Variants in CYP2C19 observed in about 807,000 individuals in gnomAD.
CYP2C19 encodes the protein cytochrome P450 family 2 subfamily C member 19, also known as cytochrome P450 2C19.
A neutral mutation model predicts 40.9 loss-of-function variants in CYP2C19; 59 were observed. The observed-to-expected ratio is 1.44, with a 90% CI of 1.17 to 1.79. The LOEUF (loss-of-function observed/expected upper bound fraction) is 1.79, where lower values mean the gene tolerates loss of function less well. CYP2C19 is among the 40% of genes most tolerant of loss of function. The pLI, the probability that CYP2C19 is intolerant of heterozygous loss-of-function variation, is 0.00. For synonymous variants in CYP2C19, 253 were observed against 208.7 expected (o/e 1.21, Z -1.83); for missense variants, 754 against 596.9 (o/e 1.26, Z -2.74).
At chr10:94,816,650 C>A (rs1030455118) in intron 5 of CYP2C19, among the ~76,000 whole-genome samples, 3 of 151,008 alleles carry the variant, frequency 2.0e-5, no homozygotes, top group Non-Finnish European at 2.9e-5. Context: ...CATATGTATA[C>A]ATGTGCCATC....
intron 6 of CYP2C19, among the ~76,000 whole-genome samples, chr10:94,831,287 T>C (rs1301019182): frequency 1.3e-5 from 2 of 152,298 alleles, no homozygotes; most frequent in South Asian, 2.1e-4. Flanking sequence ...TGTTGATGGA[T>C]ATTTAGGTTG....
At chr10:94,840,542 A>T (rs1034693315) in intron 6 of CYP2C19, among the ~76,000 whole-genome samples, 2 of 152,180 alleles carry the variant, frequency 1.3e-5, no homozygotes, top group African/African-American at 4.8e-5. Flanking sequence ...GGAGGCAGGG[A>T]TCAGAGGAAG....
intron 5 of CYP2C19, among the ~76,000 whole-genome samples, chr10:94,793,780 G>A (rs995524138): frequency 6.6e-6 from 1 of 152,150 alleles, no homozygotes; most frequent in African/African-American, 2.4e-5. Flanking sequence ...ACTAGGAGGT[G>A]TCTCCCAGTT....
At position 94,830,087 on chromosome 10, in the gene CYP2C19, A is replaced by G. The variant is rs566003434; in HGVS notation, c.961+9450A>G. Among the ~76,000 whole-genome samples, 708 of 152,278 alleles carry G rather than the reference A, an allele frequency of 4.6e-3. 3 individuals are homozygous for G. Among genetic ancestry groups the G allele is most frequent in the African/African-American group, 0.016 (685 of 41,566 alleles). On this transcript the variant is annotated intron_variant, in intron 6 of 8. Transcript: ENST00000371321. Reference sequence around the variant, plus strand: ...GTCAGACAGGGACATTTAAGTCTGCAGAGGTTACTGCTGTCTTTTTGTTTG... The same window carrying G: ...GTCAGACAGGGACATTTAAGTCTGCGGAGGTTACTGCTGTCTTTTTGTTTG...
rs570575649 is a variant in CYP2C19 at position 94,824,918 on chromosome 10, G to A, written c.961+4281G>A. ...GAGAATATGCAGTGTTTGGTTTTCT[G>A]TTCTTGTGATAGTTTACTGAGAATG... is the stretch of plus-strand genomic sequence containing the variant. On this transcript the variant is annotated intron_variant, in intron 6 of 8. Coordinates refer to ENST00000371321, the MANE Select transcript of CYP2C19 (RefSeq NM_000769.4). Among the ~76,000 whole-genome samples, 651 of 148,712 alleles carry A rather than the reference G, an allele frequency of 4.4e-3. 1 individual carries two copies. The highest frequency in any genetic ancestry group is 7.4e-3 in the Non-Finnish European group (496 of 67,224).
chr10:94,836,399 T>A (rs184245960), intron 6 of CYP2C19, among the ~76,000 whole-genome samples: 2 of 152,174 alleles, frequency 1.3e-5, no homozygotes, highest in African/African-American at 4.8e-5. Flanking sequence ...TTCCTGTTTT[T>A]TTTCTGTGTT....
chr10:94,773,156 C>G (rs1366959744), intron 1 of CYP2C19, among the ~76,000 whole-genome samples: 1 of 152,172 alleles, frequency 6.6e-6, no homozygotes, highest in Non-Finnish European at 1.5e-5. Flanking sequence ...GACAGAACAG[C>G]AAGTGAAAGG....
chr10:94,837,518 C>A (rs1203591752), intron 6 of CYP2C19, among the ~76,000 whole-genome samples: 7 of 152,122 alleles, frequency 4.6e-5, no homozygotes. Flanking sequence ...ATGTCTCTCC[C>A]TAACAGGGGA....
chr10:94,781,105 A>G (rs1048494058), intron 4 of CYP2C19, among the ~76,000 whole-genome samples: 1 of 152,174 alleles, frequency 6.6e-6, no homozygotes, highest in African/African-American at 2.4e-5. Context: ...ATTTGGAACC[A>G]CAGAAGCTGC....
chr10:94,789,883 A>G (rs1420884767), intron 5 of CYP2C19, among the ~76,000 whole-genome samples: 1 of 151,922 alleles, frequency 6.6e-6, no homozygotes, highest in Admixed American at 6.6e-5. Flanking sequence ...CTGTGAAGAA[A>G]CTCAATGGTA....
chr10:94,818,002 G>C (rs1564675015), intron 5 of CYP2C19, among the ~76,000 whole-genome samples: 1 of 108,680 alleles, frequency 9.2e-6, no homozygotes, highest in Admixed American at 1.2e-4. Context: ...GACAGAGTGA[G>C]ACTCCATCTC....
chr10:94,825,199 A>G (rs1249872655), intron 6 of CYP2C19, among the ~76,000 whole-genome samples: 1 of 143,784 alleles, frequency 7.0e-6, no homozygotes, highest in Admixed American at 7.0e-5. Flanking sequence ...GTCAAATGGT[A>G]TTTCCAGTTC....
intron 5 of CYP2C19, among the ~76,000 whole-genome samples, chr10:94,784,692 C>T (rs973618630): frequency 2.6e-5 from 4 of 151,972 alleles, no homozygotes; most frequent in African/African-American, 9.7e-5. Context: ...CTCATTCAAG[C>T]AATTCTCCTG....
chr10:94,807,002 T>C (rs1848844556), intron 5 of CYP2C19, among the ~76,000 whole-genome samples: 1 of 152,148 alleles, frequency 6.6e-6, no homozygotes, highest in Non-Finnish European at 1.5e-5. Flanking sequence ...TTCTCTTTTG[T>C]ATAGCTGAAG....
chr10:94,762,742 T>A lies in CYP2C19; in HGVS notation c.37T>A (p.Cys13Ser), dbSNP rs781038277. 2.5e-6 allele frequency: 4 copies of A among 1,613,860 alleles called. No homozygotes were observed. The Admixed American group carries it at 5.0e-5, about 20-fold the overall frequency. ...TGTGGTCCTTGTGCTCTGTCTCTCA[T>A]GTTTGCTTCTCCTTTCAATCTGGAG... ...PFVVLVLCLS[C>S]LLLLSIWRQS... Residue 13 changes from cysteine (C) to serine (S), a missense_variant, in exon 1 of 9, where the codon TGT becomes AGT. Coordinates refer to ENST00000371321, the MANE Select transcript of CYP2C19 (RefSeq NM_000769.4).
chr10:94,811,320 A>C (rs938910196), intron 5 of CYP2C19, among the ~76,000 whole-genome samples: 3 of 152,120 alleles, frequency 2.0e-5, no homozygotes, highest in Admixed American at 1.3e-4. Context: ...CAATTTTAGA[A>C]TAAGTGTGAA....
chr10:94,820,527 T>G lies in CYP2C19; in HGVS notation c.851T>G (p.Ile284Ser). The change falls in exon 6 of 9, where the codon ATT becomes AGT. Residue 284 changes from isoleucine to serine, a missense_variant. Physicochemically the swap from Ile to Ser is moderately radical, Grantham distance 142. Transcript: ENST00000371321. ...CAAAACCAACAGTCTGAATTCACTATTGAAAACTTGGTAATCACTGCAGCT... is the reference window on the plus strand; with the variant it reads ...CAAAACCAACAGTCTGAATTCACTAGTGAAAACTTGGTAATCACTGCAGCT... The part of the protein sequence containing the change: ...EKQNQQSEFT[I>S]ENLVITAADL... 6.2e-7 allele frequency: 1 copy of G among 1,614,176 alleles called. No homozygotes were observed. Among genetic ancestry groups the G allele is most frequent in the Non-Finnish European group, 8.5e-7 (1 of 1,180,020 alleles).
chr10:94,782,079 T>A (rs1848487181), intron 5 of CYP2C19, 82 bp downstream of exon 5: 2 of 1,186,784 alleles, frequency 1.7e-6, no homozygotes, highest in East Asian at 5.6e-5. Flanking sequence ...ACTACGGATG[T>A]TTAACAGGTC....
At chr10:94,791,254 C>T (rs941761385) in intron 5 of CYP2C19, among the ~76,000 whole-genome samples, 2 of 152,040 alleles carry the variant, frequency 1.3e-5, no homozygotes, top group African/African-American at 4.8e-5. Flanking sequence ...TGATTCTTCT[C>T]TATTTTCTCC....
Sources: gnomAD v4.1 joint callset for allele counts (sites outside exome capture counted in the v4.1 genomes callset) on GRCh38, gnomAD v4.1.1 for gene constraint, MANE v1.5 for transcripts, NCBI Gene and HGNC (gene_info 2026-07-23, HGNC 2026-07-21) for gene names.